The following COL11A1 variants were observed in gnomAD, a reference collection of about 807,000 sequenced individuals.
COL11A1 encodes collagen type XI alpha 1 chain, also known as collagen alpha-1(XI) chain.
Under a neutral mutation model 265.2 loss-of-function variants are expected in COL11A1, and 74 were observed. That is an observed-to-expected ratio of 0.28 (90% CI 0.23 to 0.34). The LOEUF is 0.34. COL11A1 is among the 10% of genes least tolerant of loss of function. COL11A1 has a pLI of 1.00. For synonymous variants in COL11A1, 816 were observed against 727.6 expected, an observed-to-expected ratio of 1.12 and a Z score of -1.96; for missense variants, 2,165 against 2,263.6, an observed-to-expected ratio of 0.96 and a Z score of 0.88.
chr1:102,958,383 AATTGAC>A (rs1660573646), intron 41 of COL11A1, among the ~76,000 whole-genome samples: 1 of 152,086 alleles, frequency 6.6e-6, no homozygotes, highest in Non-Finnish European at 1.5e-5. Context: ...AAAAAATAAG[AATTGAC>A]ATTATTAATT....
At chr1:102,915,462 A>G (rs1655231317) in intron 50 of COL11A1, among the ~76,000 whole-genome samples, 169 bp downstream of exon 50, 1 of 152,190 alleles carries the variant, frequency 6.6e-6, no homozygotes, top group Non-Finnish European at 1.5e-5. Context: ...CACATATGTA[A>G]AGATATCCAA....
intron 24 of COL11A1, among the ~76,000 whole-genome samples, chr1:102,999,704 A>C (rs17507469): frequency 0.1 from 15,641 of 151,866 alleles, 1,038 homozygotes; most frequent in Non-Finnish European, 0.14. Flanking sequence ...GATTGTAAAA[A>C]CATATGACAT....
intron 49 of COL11A1, among the ~76,000 whole-genome samples, chr1:102,917,468 A>C (rs1261723084): frequency 6.6e-6 from 1 of 151,958 alleles, no homozygotes; most frequent in African/African-American, 2.4e-5. Flanking sequence ...CACAGGCAAA[A>C]GAAACCCCCA....
chr1:103,064,087 A>C (rs931015395), intron 4 of COL11A1, among the ~76,000 whole-genome samples: 12 of 152,234 alleles, frequency 7.9e-5, no homozygotes, highest in African/African-American at 2.9e-4. Flanking sequence ...AAAGCTGTGA[A>C]GCAAAACAAA....
At chr1:103,090,385 T>C (rs1226797992) in intron 1 of COL11A1, among the ~76,000 whole-genome samples, 1 of 152,134 alleles carries the variant, frequency 6.6e-6, no homozygotes, top group Non-Finnish European at 1.5e-5. Context: ...GATGTAGGAC[T>C]GACAAAAGAG....
intron 46 of COL11A1, among the ~76,000 whole-genome samples, chr1:102,926,769 A>G (rs1021263188): frequency 6.6e-6 from 1 of 152,196 alleles, no homozygotes; most frequent in African/African-American, 2.4e-5. Flanking sequence ...TAGGATTCAG[A>G]GTAGTCAAAT....
At position 102,950,541 on chromosome 1, in the gene COL11A1, AT is replaced by A. The variant is rs541694324; in HGVS notation, c.3169-3586del. On this transcript the variant is annotated intron_variant, in intron 41 of 66. Transcript: ENST00000370096. The stretch of plus-strand genomic sequence containing the variant: ...AAAATATTCAACTCACATTCTTAGA[AT>A]TTTTTTTTTACTTTATATCTTAGCA... Among the ~76,000 whole-genome samples the A allele has an allele frequency of 1.3e-3, 198 of 149,970 alleles. 1 individual carries two copies. The East Asian group carries it at 0.014, about 11-fold the overall frequency.
chr1:102,987,662 G>C lies in COL11A1; in HGVS notation c.2473C>G (p.Pro825Ala). The change falls in exon 30 of 67, where the codon CCA becomes GCA. Residue 825 changes from proline (P) to alanine (A), a missense_variant. Transcript: ENST00000370096. ...TCTCCTGCTTGACCTGAAGGACCTG[G>C]GTCTCCAGTTGGGCCTGCTCGACCT... ...PKGRAGPTGDPGPSGQAGEKG... is the reference protein window; with the variant it reads ...PKGRAGPTGDAGPSGQAGEKG... 1 of 1,613,442 alleles carries C rather than the reference G, an allele frequency of 6.2e-7. No individual in the cohort carries two copies. Among genetic ancestry groups the C allele is most frequent in the Non-Finnish European group, 8.5e-7 (1 of 1,179,664 alleles).
At chr1:102,882,788 T>C (rs1431079969) in intron 64 of COL11A1, among the ~76,000 whole-genome samples, 2 of 152,152 alleles carry the variant, frequency 1.3e-5, no homozygotes. Context: ...TTAAAAAATA[T>C]GTAAGTGCAG....
chr1:102,905,330 A>C (rs12124233), intron 54 of COL11A1, among the ~76,000 whole-genome samples: 13,578 of 150,966 alleles, frequency 0.09, 722 homozygotes, highest in Middle Eastern at 0.12. Context: ...ATATGTAACA[A>C]ACCTACAGGT....
intron 5 of COL11A1, among the ~76,000 whole-genome samples, chr1:103,028,713 A>G (rs1667754439): frequency 6.6e-6 from 1 of 152,204 alleles, no homozygotes; most frequent in Admixed American, 6.5e-5. Flanking sequence ...AACTGGTGAC[A>G]TCAGTAAAAA....
rs745431051 is a variant in COL11A1, at chr1:102,879,721, T to C, written c.5236A>G (p.Asn1746Asp). 6 of 1,613,918 alleles carry C rather than the reference T, an allele frequency of 3.7e-6. No homozygotes were observed. The highest frequency in any genetic ancestry group is 5.1e-6 in the Non-Finnish European group (6 of 1,179,860). The change falls in exon 66 of 67, where the codon AAT (asparagine) becomes GAT (aspartate). Residue 1746 changes from asparagine to aspartate, a missense_variant. By Grantham distance (23) the Asn-to-Asp change is conservative (BLOSUM62 1). Transcript: ENST00000370096. ...GSNDEEMSYDNNPFIKTLYDG... is the reference protein window; with the variant it reads ...GSNDEEMSYDDNPFIKTLYDG... ...TACAGTGTTTTGATAAAAGGATTATTGTCATAGGACATCTCCTCATCATTT... is the reference window on the plus strand; with the variant it reads ...TACAGTGTTTTGATAAAAGGATTATCGTCATAGGACATCTCCTCATCATTT...
rs550204289 is a variant in COL11A1, at chr1:102,879,585, C to T, written c.5274+98G>A. The T allele has an allele frequency of 1.5e-4, 145 of 992,530 alleles. No individual in the cohort carries two copies. In the African/African-American group the frequency reaches 1.7e-3, roughly 12 times the overall value. 61.5% of individuals were successfully genotyped at this position (992,530 alleles called of 1,614,324 possible). On this transcript the variant is annotated intron_variant, in intron 66 of 66. Coordinates refer to ENST00000370096, the MANE Select transcript of COL11A1 (RefSeq NM_001854.4). The stretch of plus-strand genomic sequence containing the variant: ...AGCAACAAATGTTAATAACAACTGA[C>T]GTCCATTTCATGAGAAAAATCTGGC...
intron 4 of COL11A1, among the ~76,000 whole-genome samples, chr1:103,059,914 A>G (rs541465309): frequency 1.3e-5 from 2 of 152,202 alleles, no homozygotes; most frequent in East Asian, 3.9e-4. Context: ...ACACAATAGG[A>G]ATACAAGGAG....
intron 3 of COL11A1, 57 bp downstream of exon 3, chr1:103,078,600 AC>A: frequency 6.6e-7 from 1 of 1,507,290 alleles, no homozygotes; most frequent in Non-Finnish European, 9.2e-7. Context: ...TTGTTAAGTG[AC>A]TGAATAAAAA....
chr1:102,932,675 C>G (rs1201496257), intron 46 of COL11A1, among the ~76,000 whole-genome samples: 1 of 152,018 alleles, frequency 6.6e-6, no homozygotes. Context: ...TGGATAATAT[C>G]CTGCAGAGTG....
At chr1:102,971,355 T>C (rs1661965217) in intron 36 of COL11A1, among the ~76,000 whole-genome samples, 3 of 152,204 alleles carry the variant, frequency 2.0e-5, no homozygotes, top group Non-Finnish European at 2.9e-5. Flanking sequence ...ACTGCTTCTT[T>C]AGACTGCCTT....
chr1:103,043,933 CAT>C (rs1669038593), intron 4 of COL11A1, among the ~76,000 whole-genome samples: 1 of 152,062 alleles, frequency 6.6e-6, no homozygotes, highest in African/African-American at 2.4e-5. Flanking sequence ...ATAATATTTT[CAT>C]AAGATAGCCC....
chr1:103,071,079 T>C (rs1671547932), intron 4 of COL11A1, among the ~76,000 whole-genome samples: 1 of 151,958 alleles, frequency 6.6e-6, no homozygotes, highest in African/African-American at 2.4e-5. Context: ...TTCAAAATAT[T>C]TTCTGAGGAG....
Sources: allele counts gnomAD v4.1 joint callset (sites outside exome capture counted in the v4.1 genomes callset), GRCh38; gene constraint gnomAD v4.1.1; transcripts MANE v1.5; gene names NCBI Gene and HGNC (gene_info 2026-07-23, HGNC 2026-07-21).